Variants in C1orf21 observed in about 807,000 individuals in gnomAD.
The protein encoded by C1orf21 is uncharacterized protein C1orf21.
Under a neutral mutation model 18.7 loss-of-function variants are expected in C1orf21, and 3 were observed. That is an observed-to-expected ratio of 0.16 (90% CI 0.07 to 0.42). The LOEUF is 0.42. Ranked by LOEUF, C1orf21 falls within the 10% of genes least tolerant of loss-of-function variation. The pLI is 0.99. For missense variants in C1orf21, 104 were observed against 143.6 expected, an observed-to-expected ratio of 0.72 and a Z score of 1.41; for synonymous variants, 41 against 46.4, an observed-to-expected ratio of 0.88 and a Z score of 0.47.
At chr1:184,609,578 G>C (rs890347768) in intron 5 of C1orf21, among the ~76,000 whole-genome samples, 1 of 152,162 alleles carries the variant, frequency 6.6e-6, no homozygotes, top group African/African-American at 2.4e-5. Flanking sequence ...GTTTTCCCAG[G>C]TTTCCTGGCT....
chr1:184,527,822 GCTAT>G (rs1340799248), intron 3 of C1orf21, among the ~76,000 whole-genome samples: 1 of 152,150 alleles, frequency 6.6e-6, no homozygotes, highest in Non-Finnish European at 1.5e-5. Context: ...TGTTGTAAGG[GCTAT>G]CTGAGATAAG....
At chr1:184,533,818 T>C (rs566801048) in intron 3 of C1orf21, among the ~76,000 whole-genome samples, 1 of 152,264 alleles carries the variant, frequency 6.6e-6, no homozygotes, top group East Asian at 1.9e-4. Flanking sequence ...GGGCAGTGAA[T>C]GGGGTATGTG....
At chr1:184,426,966 A>C (rs1656646815) in intron 1 of C1orf21, among the ~76,000 whole-genome samples, 1 of 152,234 alleles carries the variant, frequency 6.6e-6, no homozygotes. Flanking sequence ...AAGGAACCAC[A>C]GGAAGATGTC....
At chr1:184,506,764 A>T (rs1180870636) in intron 2 of C1orf21, among the ~76,000 whole-genome samples, 1 of 152,116 alleles carries the variant, frequency 6.6e-6, no homozygotes, top group African/African-American at 2.4e-5. Context: ...TCTTCTGGAG[A>T]ACTGAAGCTG....
chr1:184,517,750 G>A (rs1312538075), intron 3 of C1orf21, among the ~76,000 whole-genome samples: 4 of 152,150 alleles, frequency 2.6e-5, no homozygotes, highest in Non-Finnish European at 4.4e-5. Context: ...AAGATAGATA[G>A]TGATTCTAGG....
chr1:184,495,216 C>T (rs1281831061), intron 2 of C1orf21, among the ~76,000 whole-genome samples: 1 of 152,100 alleles, frequency 6.6e-6, no homozygotes, highest in East Asian at 1.9e-4. Flanking sequence ...TCTTGCCTTC[C>T]CCCCGCAACA....
chr1:184,604,522 T>A (rs1459202582), intron 5 of C1orf21, among the ~76,000 whole-genome samples: 1 of 152,242 alleles, frequency 6.6e-6, no homozygotes, highest in South Asian at 2.1e-4. Flanking sequence ...TAACCAAGTC[T>A]GTTTTTGTCT....
intron 3 of C1orf21, among the ~76,000 whole-genome samples, chr1:184,520,916 G>A (rs1171318528): frequency 6.6e-6 from 1 of 151,656 alleles, no homozygotes; most frequent in East Asian, 1.9e-4. Flanking sequence ...TTTTTGAGAT[G>A]GAATCTCGCT....
chr1:184,401,717 T>A (rs1656155134), intron 1 of C1orf21, among the ~76,000 whole-genome samples: 1 of 151,650 alleles, frequency 6.6e-6, no homozygotes, highest in Non-Finnish European at 1.5e-5. Context: ...ACATCCAGGT[T>A]ATAGAGCAAG....
chr1:184,553,549 G>A (rs1658840862), intron 3 of C1orf21, among the ~76,000 whole-genome samples: 1 of 152,146 alleles, frequency 6.6e-6, no homozygotes, highest in Admixed American at 6.5e-5. Context: ...TGAATGGTTG[G>A]CTCTTTGGGC....
At chr1:184,429,688 G>GT (rs113143195) in intron 1 of C1orf21, among the ~76,000 whole-genome samples, 23,755 of 151,972 alleles carry the variant, frequency 0.16, 1,909 homozygotes, top group African/African-American at 0.18. Context: ...ACAGTGTTGG[G>GT]TTTGCCAGGT....
chr1:184,546,933 C>T (rs1658736413), intron 3 of C1orf21, among the ~76,000 whole-genome samples: 1 of 152,182 alleles, frequency 6.6e-6, no homozygotes, highest in Non-Finnish European at 1.5e-5. Flanking sequence ...GCACAGTTGA[C>T]CCAATCTAAT....
rs1660006740 is a variant in C1orf21, at chr1:184,626,148, A to G, written c.*6592A>G. On this transcript the variant is annotated 3_prime_UTR_variant, in exon 6 of 6. Coordinates refer to ENST00000235307, the MANE Select transcript of C1orf21 (RefSeq NM_030806.4). ...CCTGGTACACTCCAGGCACTGCGCT[A>G]ATTGCCAGCAAAGCACAACTGAACT... The G allele has an allele frequency of 1.3e-5, 2 of 152,180 alleles. No individual in the cohort carries two copies. Among genetic ancestry groups the G allele is most frequent in the African/African-American group, 4.8e-5 (2 of 41,432 alleles). The allele number at this position is 152,180 out of a possible 1,614,324, so 9.4% of individuals were successfully genotyped here. A position where few individuals can be genotyped will look rare whatever the true frequency, so the allele number is the denominator to read the frequency against.
At chr1:184,522,017 C>A (rs1389280545) in intron 3 of C1orf21, among the ~76,000 whole-genome samples, 1 of 152,020 alleles carries the variant, frequency 6.6e-6, no homozygotes, top group African/African-American at 2.4e-5. Flanking sequence ...CTGAACTGAA[C>A]AATTAAATAT....
Position 184,502,357 on chromosome 1 carries a change from T to G in C1orf21, c.95-5231T>G, listed in dbSNP as rs540515565. The stretch of plus-strand genomic sequence containing the variant: ...CCCATTCATGAGGGTGGAGCCCTCA[T>G]GACTTCATCACCTTCCAAAGGCCCC... On this transcript the variant is annotated intron_variant, in intron 2 of 5. Coordinates refer to ENST00000235307, the MANE Select transcript of C1orf21 (RefSeq NM_030806.4). Among the ~76,000 whole-genome samples, 23 of 152,192 alleles carry G rather than the reference T, an allele frequency of 1.5e-4. 1 individual carries two copies. The highest frequency in any genetic ancestry group is 2.6e-4 in the Non-Finnish European group (18 of 68,032).
At chr1:184,617,186 T>A (rs560975066) in intron 5 of C1orf21, among the ~76,000 whole-genome samples, 58 of 152,320 alleles carry the variant, frequency 3.8e-4, no homozygotes, top group African/African-American at 1.3e-3. Flanking sequence ...CCCTATGGGA[T>A]GGAGACCGTG....
chr1:184,619,171 T>A (rs1360651811), intron 5 of C1orf21, among the ~76,000 whole-genome samples: 1 of 152,218 alleles, frequency 6.6e-6, no homozygotes, highest in Non-Finnish European at 1.5e-5. Flanking sequence ...ATGTGGCTTG[T>A]TCATTCTTCC....
intron 3 of C1orf21, among the ~76,000 whole-genome samples, chr1:184,577,735 A>G (rs985456372): frequency 6.6e-6 from 1 of 152,184 alleles, no homozygotes; most frequent in Non-Finnish European, 1.5e-5. Context: ...AGTCACAGAA[A>G]AAGTTTAGCA....
intron 3 of C1orf21, among the ~76,000 whole-genome samples, chr1:184,586,045 CTG>C (rs1212553059): frequency 6.6e-6 from 1 of 152,178 alleles, no homozygotes; most frequent in Non-Finnish European, 1.5e-5. Flanking sequence ...AATCACCACA[CTG>C]TCTTTCAAAA....
Sources: allele counts gnomAD v4.1 joint callset (sites outside exome capture counted in the v4.1 genomes callset), GRCh38; gene constraint gnomAD v4.1.1; transcripts MANE v1.5; gene names NCBI Gene and HGNC (gene_info 2026-07-23, HGNC 2026-07-21).